TMEM132D: variants seen among roughly 807,000 people sequenced by gnomAD.
TMEM132D encodes mature OL transmembrane protein.
A neutral mutation model predicts 62.3 loss-of-function variants in TMEM132D; 21 were observed. That is an observed-to-expected ratio of 0.34 (90% CI 0.24 to 0.49). The LOEUF (loss-of-function observed/expected upper bound fraction) is 0.49. Ranked by LOEUF, TMEM132D falls within the 20% of genes least tolerant of loss-of-function variation. TMEM132D has a pLI of 0.99. For synonymous variants in TMEM132D, 621 were observed against 575.6 expected, an observed-to-expected ratio of 1.08 and a Z score of -1.13; for missense variants, 1,346 against 1,402.8, an observed-to-expected ratio of 0.96 and a Z score of 0.65.
At chr12:129,236,104 T>TTTTGTG (rs1879773174) in intron 4 of TMEM132D, among the ~76,000 whole-genome samples, 2 of 146,808 alleles carry the variant, frequency 1.4e-5, no homozygotes, top group Non-Finnish European at 1.5e-5. Context: ...TGATGCTATT[T>TTTTGTG]TGTGTGTGTG....
chr12:129,263,688 G>C (rs534839812), intron 4 of TMEM132D, among the ~76,000 whole-genome samples: 6 of 152,242 alleles, frequency 3.9e-5, no homozygotes, highest in African/African-American at 1.4e-4. Flanking sequence ...GCAGAGGAAG[G>C]CATTTTGGGG....
At chr12:129,866,115 T>TC (rs999790138) in intron 1 of TMEM132D, among the ~76,000 whole-genome samples, 1 of 151,980 alleles carries the variant, frequency 6.6e-6, no homozygotes, top group African/African-American at 2.4e-5. Context: ...GGCCAAGAAG[T>TC]ATATGAAAAA....
At chr12:129,153,018 C>T (rs1877121593) in intron 5 of TMEM132D, among the ~76,000 whole-genome samples, 1 of 152,196 alleles carries the variant, frequency 6.6e-6, no homozygotes, top group Non-Finnish European at 1.5e-5. Flanking sequence ...ACACCACCTC[C>T]TCCCTTTGTC....
At chr12:129,841,435 T>C (rs1873190636) in intron 1 of TMEM132D, among the ~76,000 whole-genome samples, 1 of 152,216 alleles carries the variant, frequency 6.6e-6, no homozygotes, top group Non-Finnish European at 1.5e-5. Context: ...AATCCCAGTT[T>C]AATCAACCCT....
intron 1 of TMEM132D, among the ~76,000 whole-genome samples, chr12:129,804,492 C>A (rs1286050003): frequency 2.0e-5 from 3 of 150,538 alleles, no homozygotes; most frequent in South Asian, 2.1e-4. Context: ...ATTCAACAAC[C>A]CTTCATGCTA....
At chr12:129,673,254 C>T (rs1475574331) in intron 2 of TMEM132D, among the ~76,000 whole-genome samples, 1 of 150,060 alleles carries the variant, frequency 6.7e-6, no homozygotes, top group Non-Finnish European at 1.5e-5. Flanking sequence ...AATCATACAA[C>T]ATGTGGTCTT....
At chr12:129,550,527 C>G (rs563310861) in intron 2 of TMEM132D, among the ~76,000 whole-genome samples, 28 of 152,292 alleles carry the variant, frequency 1.8e-4, no homozygotes, top group Admixed American at 1.1e-3. Context: ...CCCACATGCT[C>G]TAATGCGGTG....
At chr12:129,541,336 CA>C (rs1273961331) in intron 2 of TMEM132D, among the ~76,000 whole-genome samples, 1 of 152,180 alleles carries the variant, frequency 6.6e-6, no homozygotes, top group African/African-American at 2.4e-5. Flanking sequence ...CACAGACCAC[CA>C]CCCAACAACA....
chr12:129,676,017 C>T (rs1177395441), intron 2 of TMEM132D, among the ~76,000 whole-genome samples: 1 of 152,220 alleles, frequency 6.6e-6, no homozygotes, highest in African/African-American at 2.4e-5. Context: ...TCAAATCTTT[C>T]AGTCAACAGA....
intron 3 of TMEM132D, among the ~76,000 whole-genome samples, chr12:129,355,576 G>A (rs1870016967): frequency 6.6e-6 from 1 of 152,136 alleles, no homozygotes; most frequent in South Asian, 2.1e-4. Context: ...CCTTTCCTTG[G>A]AGATGTTCTT....
At chr12:129,272,859 G>A (rs1379520383) in intron 4 of TMEM132D, among the ~76,000 whole-genome samples, 28 of 151,616 alleles carry the variant, frequency 1.8e-4, no homozygotes, top group African/African-American at 6.3e-4. Context: ...TCAGGAGTTC[G>A]AAACTAGCCA....
At chr12:129,310,959 C>A (rs1881957873) in intron 4 of TMEM132D, among the ~76,000 whole-genome samples, 1 of 141,136 alleles carries the variant, frequency 7.1e-6, no homozygotes, top group Non-Finnish European at 1.5e-5. Context: ...CAAAAAGGAA[C>A]AGGCCGAGGC....
intron 2 of TMEM132D, among the ~76,000 whole-genome samples, chr12:129,695,560 C>G (rs1434868699): frequency 6.6e-6 from 1 of 152,202 alleles, no homozygotes; most frequent in African/African-American, 2.4e-5. Context: ...TTGAATACAC[C>G]AACATCTGTC....
At chr12:129,101,938 C>T (rs1467207556) in intron 5 of TMEM132D, among the ~76,000 whole-genome samples, 8 of 151,750 alleles carry the variant, frequency 5.3e-5, no homozygotes, top group Non-Finnish European at 1.2e-4. Flanking sequence ...ATTCATAATC[C>T]CCCGCTTCTC....
At chr12:129,281,836 A>G (rs1881162219) in intron 4 of TMEM132D, among the ~76,000 whole-genome samples, 1 of 149,616 alleles carries the variant, frequency 6.7e-6, no homozygotes, top group Non-Finnish European at 1.5e-5. Flanking sequence ...GGCTCCCTCA[A>G]ACCTCCTCAA....
In TMEM132D at chr12:129,073,355, A is replaced by T. The variant is rs1276861644; in HGVS notation, c.*520T>A. On this transcript the variant is annotated 3_prime_UTR_variant, in exon 9 of 9. Coordinates refer to ENST00000422113, the MANE Select transcript of TMEM132D (RefSeq NM_133448.3). ...CTTTGAGAGACAATGACTCACAATC[A>T]TGCCTCCCACAGCTGACGGCGGCAC... is the stretch of plus-strand genomic sequence containing the variant. The T allele has an allele frequency of 6.5e-6, 1 of 152,778 alleles. No individual in the cohort carries two copies. Among genetic ancestry groups the T allele is most frequent in the South Asian group, 2.1e-4 (1 of 4,828 alleles). The allele number at this position is 152,778 out of a possible 1,614,324, so 9.5% of individuals were successfully genotyped here.
At chr12:129,289,662 C>CA (rs146069881) in intron 4 of TMEM132D, among the ~76,000 whole-genome samples, 3,882 of 151,794 alleles carry the variant, frequency 0.026, 191 homozygotes, top group African/African-American at 0.089. Flanking sequence ...ACTTCAATCA[C>CA]AAAAAAATTA....
chr12:129,893,670 A>G (rs552428012), intron 1 of TMEM132D, among the ~76,000 whole-genome samples: 3 of 152,378 alleles, frequency 2.0e-5, no homozygotes, highest in African/African-American at 4.8e-5. Flanking sequence ...GAAGGAGACC[A>G]ATGTAGCACA....
chr12:129,494,165 T>C (rs547580044), intron 3 of TMEM132D, among the ~76,000 whole-genome samples: 5 of 152,272 alleles, frequency 3.3e-5, no homozygotes, highest in African/African-American at 1.2e-4. Context: ...GGCATTTACA[T>C]GGAAACTTGA....
Sources: allele counts gnomAD v4.1 joint callset (sites outside exome capture counted in the v4.1 genomes callset), GRCh38; gene constraint gnomAD v4.1.1; transcripts MANE v1.5; gene names NCBI Gene and HGNC (gene_info 2026-07-23, HGNC 2026-07-21).